Variants in PCNX1 observed in about 807,000 individuals in gnomAD.
PCNX1 encodes the protein pecanex-like protein 1.
A neutral mutation model predicts 242.2 loss-of-function variants in PCNX1; 78 were observed. The ratio of observed to expected loss-of-function variants is 0.32; its 90% CI spans 0.27 to 0.39. The LOEUF is 0.39. Ranked by LOEUF, PCNX1 falls within the 10% of genes least tolerant of loss-of-function variation. The pLI is 1.00. For missense variants in PCNX1, 2,581 were observed against 2,856.5 expected, an observed-to-expected ratio of 0.90 and a Z score of 2.20; for synonymous variants, 1,024 against 1,032.9, an observed-to-expected ratio of 0.99 and a Z score of 0.17.
intron 5 of PCNX1, 90 bp from the exon 6 acceptor site, chr14:70,976,852 A>T: frequency 1.9e-6 from 2 of 1,076,368 alleles, no homozygotes; most frequent in Non-Finnish European, 2.7e-6. Flanking sequence ...TACTTGATTT[A>T]CTGTATGCAG....
At chr14:71,050,377 G>A (rs1015639316) in intron 22 of PCNX1, among the ~76,000 whole-genome samples, 2 of 151,954 alleles carry the variant, frequency 1.3e-5, no homozygotes, top group Admixed American at 1.3e-4. Flanking sequence ...GCATAATATG[G>A]CCAGTAGAAG....
chr14:70,963,945 A>T (rs2058299550), intron 3 of PCNX1, among the ~76,000 whole-genome samples: 1 of 152,218 alleles, frequency 6.6e-6, no homozygotes, highest in Non-Finnish European at 1.5e-5. Context: ...CAGAACATGT[A>T]GGTTGTTAAA....
intron 24 of PCNX1, among the ~76,000 whole-genome samples, chr14:71,052,688 G>A (rs1438903445): frequency 1.3e-5 from 2 of 151,952 alleles, no homozygotes; most frequent in Non-Finnish European, 2.9e-5. Flanking sequence ...GAAATACCTG[G>A]CTATTTCTAA....
chr14:70,998,108 T>C (rs993743556), intron 8 of PCNX1, among the ~76,000 whole-genome samples: 2 of 152,240 alleles, frequency 1.3e-5, no homozygotes, highest in African/African-American at 4.8e-5. Context: ...TATGTACATG[T>C]ACGTATGCTG....
chr14:71,007,969 AG>A (rs2059713447), intron 8 of PCNX1, among the ~76,000 whole-genome samples: 1 of 152,102 alleles, frequency 6.6e-6, no homozygotes, highest in South Asian at 2.1e-4. Context: ...GGGGGTGGGG[AG>A]TGTCTTAAAT....
At chr14:70,947,192 A>G in intron 2 of PCNX1, 69 bp downstream of exon 2, 4 of 1,153,770 alleles carry the variant, frequency 3.5e-6, no homozygotes, top group Non-Finnish European at 3.8e-6. Flanking sequence ...TGATGTGATT[A>G]TTATATTGTA....
intron 15 of PCNX1, chr14:71,027,253 CA>C (rs1006318527): frequency 6.5e-6 from 1 of 154,782 alleles, no homozygotes; most frequent in African/African-American, 2.4e-5. Flanking sequence ...GATTTTAAAC[CA>C]GTATGTGCAT....
intron 2 of PCNX1, among the ~76,000 whole-genome samples, chr14:70,961,345 C>T (rs2058205334): frequency 6.6e-6 from 1 of 152,030 alleles, no homozygotes; most frequent in Non-Finnish European, 1.5e-5. Context: ...AGAACAGAGC[C>T]CTCAGAAATA....
chr14:70,939,362 T>C lies in PCNX1; in HGVS notation c.154-7553T>C, dbSNP rs183566545. Among the ~76,000 whole-genome samples, 217 of 152,352 alleles carry C rather than the reference T, an allele frequency of 1.4e-3. 1 individual carries two copies. The highest frequency in any genetic ancestry group is 1.0e-3 in the Non-Finnish European group (71 of 68,040). On this transcript the variant is annotated intron_variant, in intron 1 of 35. Transcript: ENST00000304743. ...GTTCTCATTGGTTTCAAAGAACATC[T>C]TTATTTCTGCTTTCATTTTGTTATG...
chr14:70,949,267 A>ATACACACACGTGTG (rs1566608325), intron 2 of PCNX1, among the ~76,000 whole-genome samples: 2 of 23,820 alleles, frequency 8.4e-5, no homozygotes, highest in Non-Finnish European at 2.3e-4. Context: ...ACACACGTGT[A>ATACACACACGTGTG]TGCACACACG....
chr14:70,954,782 A>G (rs1725927886), intron 2 of PCNX1, among the ~76,000 whole-genome samples: 3 of 152,138 alleles, frequency 2.0e-5, no homozygotes, highest in Admixed American at 2.0e-4. Context: ...TATGTAGCAC[A>G]TGGTTAAATT....
At chr14:70,914,698 C>CT (rs1302912860) in intron 1 of PCNX1, among the ~76,000 whole-genome samples, 1 of 152,182 alleles carries the variant, frequency 6.6e-6, no homozygotes, top group African/African-American at 2.4e-5. Flanking sequence ...TATTGTGTCT[C>CT]TATCTGTTTT....
At chr14:71,098,133 C>G (rs187584932) in intron 30 of PCNX1, among the ~76,000 whole-genome samples, 16 of 152,232 alleles carry the variant, frequency 1.1e-4, no homozygotes, top group African/African-American at 3.4e-4. Flanking sequence ...TCATTCTGTT[C>G]CATTGGTCTG....
chr14:71,013,861 TAAG>T (rs1487236502), intron 11 of PCNX1, among the ~76,000 whole-genome samples: 1 of 152,072 alleles, frequency 6.6e-6, no homozygotes, highest in East Asian at 1.9e-4. Flanking sequence ...CTTCCTGAGT[TAAG>T]GAGATAGAAC....
chr14:70,968,152 A>G, intron 3 of PCNX1, 46 bp from the exon 4 acceptor site: 2 of 1,286,708 alleles, frequency 1.6e-6, no homozygotes, highest in Non-Finnish European at 2.3e-6. Context: ...ATAATGACAT[A>G]GCTAGCATTT....
rs118013449 is a variant in PCNX1 at position 71,031,441 on chromosome 14, A to G, written c.3559-1988A>G. ...CATAATGCACCTGAAAACAAGGTCC[A>G]GAAGCCCTGGCACAGGACCTTCCTT... On this transcript the variant is annotated intron_variant, in intron 16 of 35. Coordinates refer to ENST00000304743, the MANE Select transcript of PCNX1 (RefSeq NM_014982.3). Among the ~76,000 whole-genome samples the G allele has an allele frequency of 9.0e-3, 1,365 of 152,338 alleles. 10 individuals are homozygous for G. The highest frequency in any genetic ancestry group is 0.012 in the Non-Finnish European group (843 of 68,018).
chr14:70,936,568 G>A (rs921003370), intron 1 of PCNX1, among the ~76,000 whole-genome samples: 3 of 152,088 alleles, frequency 2.0e-5, no homozygotes, highest in South Asian at 4.2e-4. Flanking sequence ...CTTTGCTATT[G>A]TGAATAGTAC....
intron 24 of PCNX1, 31 bp downstream of exon 24, chr14:71,052,043 T>G (rs1161725820): frequency 6.4e-7 from 1 of 1,556,418 alleles, no homozygotes; most frequent in South Asian, 1.2e-5. Flanking sequence ...GAAAAACAAT[T>G]TTTATCTTTC....
chr14:71,017,158 A>G (rs1005633173), intron 11 of PCNX1, among the ~76,000 whole-genome samples: 61 of 152,344 alleles, frequency 4.0e-4, no homozygotes, highest in African/African-American at 1.4e-3. Context: ...TGAAAGATAA[A>G]TTATGAAATT....
Sources: allele counts gnomAD v4.1 joint callset (sites outside exome capture counted in the v4.1 genomes callset), GRCh38; gene constraint gnomAD v4.1.1; transcripts MANE v1.5; gene names NCBI Gene and HGNC (gene_info 2026-07-23, HGNC 2026-07-21).